TRMT1L: variants seen among roughly 807,000 people sequenced by gnomAD.
The protein encoded by TRMT1L is tRNA methyltransferase 1L.
Under a neutral mutation model 81.6 loss-of-function variants are expected in TRMT1L, and 28 were observed. The observed-to-expected ratio is 0.34, with a 90% CI of 0.25 to 0.47. The LOEUF (loss-of-function observed/expected upper bound fraction) is 0.47. Among genes scored for constraint, TRMT1L ranks in the 20% least tolerant of loss-of-function variants. The pLI is 1.00. For synonymous variants in TRMT1L, 301 were observed against 303.2 expected (o/e 0.99, Z 0.07); for missense variants, 739 against 877.1 (o/e 0.84, Z 1.99).
At chr1:185,134,128 G>C (rs2102239364) in intron 10 of TRMT1L, among the ~76,000 whole-genome samples, 1 of 152,188 alleles carries the variant, frequency 6.6e-6, no homozygotes. Flanking sequence ...AACTGTTTAG[G>C]GAGTCAGGCA....
At chr1:185,153,223 A>G (rs974603272) in intron 1 of TRMT1L, among the ~76,000 whole-genome samples, 2 of 152,200 alleles carry the variant, frequency 1.3e-5, no homozygotes, top group Non-Finnish European at 2.9e-5. Context: ...TTGGAAATAC[A>G]TGAATAAGTC....
At chr1:185,144,748 T>C (rs1015387346) in intron 5 of TRMT1L, among the ~76,000 whole-genome samples, 1 of 151,812 alleles carries the variant, frequency 6.6e-6, no homozygotes, top group African/African-American at 2.4e-5. Context: ...CAACTGTATC[T>C]TTCTTTCTAA....
At chr1:185,144,889 G>GA (rs1231837979) in intron 5 of TRMT1L, among the ~76,000 whole-genome samples, 5 of 151,464 alleles carry the variant, frequency 3.3e-5, no homozygotes, top group Non-Finnish European at 5.9e-5. Flanking sequence ...ATGCTTCATA[G>GA]AAAAATAGTT....
At chr1:185,148,159 T>C (rs1159601215) in intron 3 of TRMT1L, among the ~76,000 whole-genome samples, 1 of 152,224 alleles carries the variant, frequency 6.6e-6, no homozygotes. Flanking sequence ...TCTGATCTTA[T>C]GGCTTTAAAT....
chr1:185,125,415 C>T lies in TRMT1L; in HGVS notation c.1593-305G>A, dbSNP rs1168373855. 2.0e-5 allele frequency among the ~76,000 whole-genome samples: 3 copies of T among 152,250 alleles called. No individual in the cohort carries two copies. The East Asian group carries it at 5.8e-4, about 29-fold the overall frequency. ...CTACTGGGCTCAAGGGATCCTCCTA[C>T]CTTGGCTTCCCAAAGTGCTGGAATT... On this transcript the variant is annotated intron_variant, in intron 11 of 14. Coordinates refer to ENST00000367506, the MANE Select transcript of TRMT1L (RefSeq NM_030934.5).
At chr1:185,153,699 T>C (rs945119757) in intron 1 of TRMT1L, among the ~76,000 whole-genome samples, 3 of 152,142 alleles carry the variant, frequency 2.0e-5, no homozygotes, top group African/African-American at 4.8e-5. Flanking sequence ...TGAATATATG[T>C]GCATTCCAAG....
At chr1:185,142,651 CA>C (rs71695141) in intron 7 of TRMT1L, among the ~76,000 whole-genome samples, 1,565 of 90,754 alleles carry the variant, frequency 0.017, 10 homozygotes, top group African/African-American at 0.037. Context: ...AGTATTATTG[CA>C]AAAAAAAAAA....
intron 10 of TRMT1L, among the ~76,000 whole-genome samples, chr1:185,135,735 T>C (rs545562735): frequency 6.6e-6 from 1 of 152,102 alleles, no homozygotes; most frequent in East Asian, 1.9e-4. Flanking sequence ...AAGGGAACCA[T>C]TCCAAATTAT....
At chr1:185,132,762 C>T (rs976674943) in intron 10 of TRMT1L, among the ~76,000 whole-genome samples, 1 of 152,114 alleles carries the variant, frequency 6.6e-6, no homozygotes, top group African/African-American at 2.4e-5. Context: ...ATACCTTGAA[C>T]ATTTTGAGGA....
At chr1:185,150,681 G>GC (rs1653319513) in intron 2 of TRMT1L, among the ~76,000 whole-genome samples, 189 bp from the exon 3 acceptor site, 1 of 151,340 alleles carries the variant, frequency 6.6e-6, no homozygotes, top group South Asian at 2.1e-4. Flanking sequence ...ATCAGTGATT[G>GC]TTTTTTCACC....
chr1:185,149,928 A>T (rs946387814), intron 3 of TRMT1L, among the ~76,000 whole-genome samples: 50 of 152,156 alleles, frequency 3.3e-4, no homozygotes, highest in African/African-American at 1.1e-3. Context: ...TTTCTGAATT[A>T]TCTTGTATCC....
intron 9 of TRMT1L, 120 bp downstream of exon 9, chr1:185,139,247 G>C: frequency 4.0e-6 from 3 of 759,316 alleles, no homozygotes; most frequent in Non-Finnish European, 4.1e-6. Flanking sequence ...CAGTATTACA[G>C]ATAAGGAATA....
At chr1:185,124,800 G>A (rs1652582210) in intron 12 of TRMT1L, 144 bp downstream of exon 12, 2 of 708,844 alleles carry the variant, frequency 2.8e-6, no homozygotes, top group African/African-American at 1.8e-5. Flanking sequence ...AAAAACCAGA[G>A]GATCAGACTC....
intron 10 of TRMT1L, among the ~76,000 whole-genome samples, chr1:185,129,171 A>G (rs141915272): frequency 3.9e-5 from 6 of 152,320 alleles, no homozygotes; most frequent in African/African-American, 1.4e-4. Context: ...CCATATTTCA[A>G]AATTAACTGA....
intron 7 of TRMT1L, among the ~76,000 whole-genome samples, chr1:185,141,756 G>A (rs547495916): frequency 6.6e-6 from 1 of 152,190 alleles, no homozygotes; most frequent in South Asian, 2.1e-4. Context: ...AATAAATTTG[G>A]ACAAGCAGGT....
rs537811436 is a variant in TRMT1L at position 185,154,675 on chromosome 1, G to A, written c.235+1803C>T. On this transcript the variant is annotated intron_variant, in intron 1 of 14. Transcript: ENST00000367506. ...AGCACAAAATAAGAGAAAGGAGCTT[G>A]GTTAAGTTAGAAAACTAAAAATCCT... Among the ~76,000 whole-genome samples the A allele has an allele frequency of 8.5e-5, 13 of 152,268 alleles. No homozygotes were observed. The South Asian group carries it at 1.0e-3, about 12-fold the overall frequency.
intron 10 of TRMT1L, among the ~76,000 whole-genome samples, chr1:185,132,867 C>T (rs1652807836): frequency 6.6e-6 from 1 of 152,044 alleles, no homozygotes; most frequent in South Asian, 2.1e-4. Flanking sequence ...AAGAAGTAAA[C>T]AAGGAAAGTG....
chr1:185,131,609 A>G (rs1355457226), intron 10 of TRMT1L, among the ~76,000 whole-genome samples: 1 of 152,140 alleles, frequency 6.6e-6, no homozygotes, highest in Non-Finnish European at 1.5e-5. Context: ...AAAAAGGAAC[A>G]GTGAAAAAAT....
chr1:185,125,394 T>G (rs1277783078), intron 11 of TRMT1L, among the ~76,000 whole-genome samples: 1 of 152,160 alleles, frequency 6.6e-6, no homozygotes, highest in Non-Finnish European at 1.5e-5. Flanking sequence ...CTCAAACTAC[T>G]GGGCTCAAGG....
Sources: allele counts gnomAD v4.1 joint callset (sites outside exome capture counted in the v4.1 genomes callset), GRCh38; gene constraint gnomAD v4.1.1; transcripts MANE v1.5; gene names NCBI Gene and HGNC (gene_info 2026-07-23, HGNC 2026-07-21).